Variants in ANKRD44 observed in about 807,000 individuals in gnomAD.
The protein encoded by ANKRD44 is ankyrin repeat domain 44.
Under a neutral mutation model 116.0 loss-of-function variants are expected in ANKRD44, and 35 were observed. That is an observed-to-expected ratio of 0.30 (90% CI 0.23 to 0.40). The LOEUF is 0.40. ANKRD44 is among the 10% of genes least tolerant of loss of function. The pLI is 1.00. For missense variants in ANKRD44, 1,014 were observed against 1,242.6 expected (o/e 0.82, Z 2.77); for synonymous variants, 435 against 461.8 (o/e 0.94, Z 0.74).
chr2:197,272,634 T>C (rs1048687462), intron 1 of ANKRD44, among the ~76,000 whole-genome samples: 1 of 152,224 alleles, frequency 6.6e-6, no homozygotes, highest in Non-Finnish European at 1.5e-5. Flanking sequence ...GTTTGTTTTG[T>C]TTTGTTTGGA....
intron 2 of ANKRD44, among the ~76,000 whole-genome samples, chr2:197,174,106 A>T (rs1404705046): frequency 6.6e-6 from 1 of 152,204 alleles, no homozygotes; most frequent in Non-Finnish European, 1.5e-5. Context: ...AGTCCTTATG[A>T]AAATTCTTAC....
At chr2:197,215,888 A>C (rs2081430949) in intron 1 of ANKRD44, among the ~76,000 whole-genome samples, 1 of 152,212 alleles carries the variant, frequency 6.6e-6, no homozygotes, top group Admixed American at 6.5e-5. Flanking sequence ...TTTTGTGCCA[A>C]AATTTATGAT....
chr2:197,103,153 G>A (rs1056025395), intron 9 of ANKRD44, among the ~76,000 whole-genome samples: 5 of 151,168 alleles, frequency 3.3e-5, no homozygotes, highest in East Asian at 1.9e-4. Flanking sequence ...GTGTGAACCC[G>A]GGAGGCAGAG....
intron 1 of ANKRD44, among the ~76,000 whole-genome samples, chr2:197,274,856 G>A (rs917481937): frequency 6.6e-6 from 1 of 152,146 alleles, no homozygotes; most frequent in Non-Finnish European, 1.5e-5. Context: ...CACTTTGGGA[G>A]GCCAAGGTGT....
intron 2 of ANKRD44, among the ~76,000 whole-genome samples, chr2:197,181,208 T>C (rs1050624653): frequency 1.2e-4 from 18 of 152,200 alleles, no homozygotes; most frequent in African/African-American, 4.3e-4. Context: ...ATAATAAGTG[T>C]TAACAGCTTT....
At chr2:197,134,475 T>C (rs2079170620) in intron 4 of ANKRD44, 1 of 152,204 alleles carries the variant, frequency 6.6e-6, no homozygotes, top group Admixed American at 6.5e-5. Context: ...CAGTCCATCA[T>C]TAGGCTGACT....
At chr2:197,232,953 G>T (rs1159631697) in intron 1 of ANKRD44, among the ~76,000 whole-genome samples, 1 of 152,118 alleles carries the variant, frequency 6.6e-6, no homozygotes, top group Non-Finnish European at 1.5e-5. Flanking sequence ...TATTTTATTT[G>T]ATCCTCATCT....
rs1040883937 is a variant in ANKRD44, at chr2:197,201,951, C to T, written c.28-14845G>A. Among the ~76,000 whole-genome samples the T allele has an allele frequency of 6.6e-6, 1 of 152,236 alleles. No individual in the cohort carries two copies. The highest frequency in any genetic ancestry group is 2.4e-5 in the African/African-American group (1 of 41,464). On this transcript the variant is annotated intron_variant, in intron 1 of 27. Transcript: ENST00000282272. This position sits in a 1 kb window ranked among gnomAD's most constrained non-coding sequence, Gnocchi z 4.0. ...CCACTGTTACCTCATCACCATGTAA[C>T]ATTCCAAGGGTTTAAAATGCACAAT... is the stretch of plus-strand genomic sequence containing the variant.
intron 9 of ANKRD44, among the ~76,000 whole-genome samples, chr2:197,101,452 C>T (rs975201726): frequency 7.2e-5 from 11 of 152,274 alleles, no homozygotes; most frequent in Middle Eastern, 3.4e-3. Flanking sequence ...TGACTACTTG[C>T]AATGGGTACC....
chr2:197,038,998 G>A (rs2124939933), intron 16 of ANKRD44, among the ~76,000 whole-genome samples: 1 of 152,284 alleles, frequency 6.6e-6, no homozygotes, highest in East Asian at 1.9e-4. Context: ...TCCCACAGCA[G>A]CTTTGGGTTA....
intron 2 of ANKRD44, among the ~76,000 whole-genome samples, chr2:197,149,069 T>C (rs1169846324): frequency 6.6e-6 from 1 of 152,238 alleles, no homozygotes; most frequent in Admixed American, 6.5e-5. Flanking sequence ...GCATTTTCCA[T>C]TTTAGCCTCA....
In ANKRD44 at chr2:197,100,317, C is replaced by T. The variant is rs1297420938; in HGVS notation, c.986-387G>A. 2.6e-5 allele frequency among the ~76,000 whole-genome samples: 4 copies of T among 152,148 alleles called. 1 individual carries two copies. The South Asian group carries it at 6.2e-4, about 24-fold the overall frequency. On this transcript the variant is annotated intron_variant, in intron 9 of 27. Coordinates refer to ENST00000282272, the MANE Select transcript of ANKRD44 (RefSeq NM_001195144.2). ...GGGTGTGGTGGTGCATGCCTGTAAT[C>T]CCAGCTACTCAGGAGGCTGAGGCAG...
chr2:197,108,856 C>G (rs2078497099), intron 9 of ANKRD44, among the ~76,000 whole-genome samples: 1 of 148,872 alleles, frequency 6.7e-6, no homozygotes, highest in African/African-American at 2.6e-5. Context: ...ACAACAACAA[C>G]AACAACAACA....
chr2:197,055,259 G>GT (rs1202776870), intron 16 of ANKRD44, among the ~76,000 whole-genome samples: 2 of 152,138 alleles, frequency 1.3e-5, no homozygotes, highest in Non-Finnish European at 2.9e-5. Flanking sequence ...GCCTGTTCAA[G>GT]TTTTTTGCCC....
At chr2:197,083,545 T>G in intron 13 of ANKRD44, 36 bp from the exon 14 acceptor site, 1 of 1,593,324 alleles carries the variant, frequency 6.3e-7, no homozygotes, top group Non-Finnish European at 8.6e-7. Context: ...CTCCATTCAG[T>G]CTAGAAAACA....
Position 197,273,640 on chromosome 2 carries a change from G to T in ANKRD44, c.27+36938C>A, listed in dbSNP as rs2564390. Among the ~76,000 whole-genome samples the T allele has an allele frequency of 4.0e-3, 610 of 152,174 alleles. 5 individuals carry two copies. The highest frequency in any genetic ancestry group is 0.013 in the African/African-American group (550 of 41,526). On this transcript the variant is annotated intron_variant, in intron 1 of 27. Transcript: ENST00000282272. ...GGCGCAGGGCCTAGGAGCCAGGCCA[G>T]CACCTGCGGCCTGGGCTTCCTGGAG...
intron 16 of ANKRD44, among the ~76,000 whole-genome samples, chr2:197,027,552 G>A (rs1314366485): frequency 6.6e-6 from 1 of 152,050 alleles, no homozygotes; most frequent in Non-Finnish European, 1.5e-5. Context: ...GACTCAGACT[G>A]AGCAGGTGAG....
intron 16 of ANKRD44, among the ~76,000 whole-genome samples, chr2:197,034,970 A>T (rs1574320756): frequency 6.6e-6 from 1 of 152,182 alleles, no homozygotes; most frequent in East Asian, 1.9e-4. Context: ...TGTATTTGAA[A>T]TTACAATAAT....
At chr2:197,013,443 C>T (rs1180351472) in intron 18 of ANKRD44, 68 bp downstream of exon 18, 2 of 1,502,808 alleles carry the variant, frequency 1.3e-6, no homozygotes, top group South Asian at 2.4e-5. Context: ...GAAGATGCTG[C>T]TTTCCTTCTA....
Sources: gnomAD v4.1 joint callset for allele counts (sites outside exome capture counted in the v4.1 genomes callset) on GRCh38, gnomAD v4.1.1 for gene constraint, Gnocchi (gnomAD v3.1) non-coding constraint, MANE v1.5 for transcripts, NCBI Gene and HGNC (gene_info 2026-07-23, HGNC 2026-07-21) for gene names.